The following PCDHGB3 variants were observed in gnomAD, a reference collection of about 807,000 sequenced individuals.
PCDHGB3 encodes protocadherin gamma-B3.
In PCDHGB3, 40 loss-of-function variants were observed where a neutral mutation model predicts 59.2. That is an observed-to-expected ratio of 0.68 (90% confidence interval 0.52 to 0.88). The LOEUF is 0.88. Ranked by LOEUF, PCDHGB3 falls within the 40% of genes least tolerant of loss-of-function variation. The pLI is 0.00. For missense variants in PCDHGB3, 1,309 were observed against 1,187.9 expected, an observed-to-expected ratio of 1.10 and a Z score of -1.50; for synonymous variants, 581 against 503.6, an observed-to-expected ratio of 1.15 and a Z score of -2.06.
Position 141,370,753 on chromosome 5 carries a change from C to G in PCDHGB3, c.359C>G (p.Thr120Ser). Residue 120 changes from threonine (T) to serine (S), a missense_variant, in exon 1 of 4, where the codon ACT (threonine) becomes AGT (serine). Thr to Ser is a moderately conservative substitution (Grantham distance 58). Transcript: ENST00000576222. ...AEKPLNFFHV[T>S]VLIQDINDNP... The stretch of plus-strand genomic sequence containing the variant: ...AAGCCTTTAAACTTTTTTCATGTAA[C>G]TGTGCTGATCCAGGATATTAACGAC... 1 of 1,613,950 alleles carries G rather than the reference C, an allele frequency of 6.2e-7. No homozygotes were observed. Among genetic ancestry groups the G allele is most frequent in the Non-Finnish European group, 8.5e-7 (1 of 1,179,894 alleles).
intron 1 of PCDHGB3, among the ~76,000 whole-genome samples, chr5:141,483,007 C>T (rs938404755): frequency 1.3e-5 from 2 of 152,022 alleles, no homozygotes; most frequent in Non-Finnish European, 2.9e-5. Flanking sequence ...ATTGCTTGAA[C>T]CCGGGAGGCA....
chr5:141,489,085 G>A lies in PCDHGB3; in HGVS notation c.2416-5722G>A, dbSNP rs1347512723. The A allele has an allele frequency of 2.6e-5, 6 of 230,066 alleles. No homozygotes were observed. The South Asian group carries it at 4.3e-4, about 16-fold the overall frequency. 14.3% of individuals were successfully genotyped at this position (230,066 alleles called of 1,614,324 possible). A position where few individuals can be genotyped will look rare whatever the true frequency, so the allele number is the denominator to read the frequency against. Reference sequence around the variant, plus strand: ...TCCCCCCTGCCCACCCCCGCCACTCGGTGACTAAGAACTGCTGCAAGCAGG... The same window carrying A: ...TCCCCCCTGCCCACCCCCGCCACTCAGTGACTAAGAACTGCTGCAAGCAGG... On this transcript the variant is annotated intron_variant, in intron 1 of 3. Coordinates refer to ENST00000576222, the MANE Select transcript of PCDHGB3 (RefSeq NM_018924.5). The surrounding 1 kb of genome is among the most constrained non-coding windows in gnomAD (Gnocchi z 4.5).
chr5:141,376,506 A>C (rs773992139), intron 1 of PCDHGB3: 1 of 1,614,126 alleles, frequency 6.2e-7, no homozygotes, highest in African/African-American at 1.3e-5. Flanking sequence ...AGGCAACTTC[A>C]GGTGAGTTTC....
At chr5:141,454,203 T>C (rs981646952) in intron 1 of PCDHGB3, among the ~76,000 whole-genome samples, 2 of 152,148 alleles carry the variant, frequency 1.3e-5, no homozygotes, top group African/African-American at 4.8e-5. Flanking sequence ...GGTGAATTTA[T>C]TGACATGAAT....
chr5:141,477,808 C>T lies in PCDHGB3; in HGVS notation c.2416-16999C>T, dbSNP rs750186099. 2.5e-6 allele frequency: 4 copies of T among 1,613,994 alleles called. No individual in the cohort carries two copies. In the African/African-American group the frequency reaches 4.0e-5, roughly 16 times the overall value. On this transcript the variant is annotated intron_variant, in intron 1 of 3. Coordinates refer to ENST00000576222, the MANE Select transcript of PCDHGB3 (RefSeq NM_018924.5). The surrounding 1 kb of genome is among the most constrained non-coding windows in gnomAD (Gnocchi z 4.9). ...TTGTCACTGATCGCAATGACAATGC[C>T]CCCCAGGTCCTATATCCTCGGCCAG...
rs1317699369 is a variant in PCDHGB3 at position 141,477,408 on chromosome 5, A to G, written c.2416-17399A>G. The G allele has an allele frequency of 6.2e-7, 1 of 1,614,098 alleles. No homozygotes were observed. ...TACAACCTCAGCATCACCGCCCGAG[A>G]CGCCGGAACCCCTTCCCTCTCAGCC... On this transcript the variant is annotated intron_variant, in intron 1 of 3. Transcript: ENST00000576222. This position sits in a 1 kb window ranked among gnomAD's most constrained non-coding sequence, Gnocchi z 4.9.
chr5:141,465,893 C>A (rs926928579), intron 1 of PCDHGB3, among the ~76,000 whole-genome samples: 1 of 151,962 alleles, frequency 6.6e-6, no homozygotes, highest in Non-Finnish European at 1.5e-5. Context: ...GAGGCCGAGG[C>A]GGGCAAATCA....
chr5:141,498,616 G>T (rs1202866176), intron 2 of PCDHGB3, among the ~76,000 whole-genome samples: 1 of 152,138 alleles, frequency 6.6e-6, no homozygotes, highest in East Asian at 1.9e-4. Flanking sequence ...AGTCAGCACT[G>T]GGTCACACTG....
intron 1 of PCDHGB3, chr5:141,374,427 A>C: frequency 6.2e-7 from 1 of 1,613,980 alleles, no homozygotes; most frequent in Non-Finnish European, 8.5e-7. Flanking sequence ...GATAAACTGA[A>C]TCTTTATCCC....
At chr5:141,419,117 G>A (rs1362880648) in intron 1 of PCDHGB3, 2 of 1,613,836 alleles carry the variant, frequency 1.2e-6, no homozygotes, top group Non-Finnish European at 1.7e-6. Flanking sequence ...AGAGTACAAC[G>A]TCACCATCGC....
Position 141,431,789 on chromosome 5 carries a change from G to A in PCDHGB3, c.2415+58980G>A, listed in dbSNP as rs760507500. On this transcript the variant is annotated intron_variant, in intron 1 of 3. Coordinates refer to ENST00000576222, the MANE Select transcript of PCDHGB3 (RefSeq NM_018924.5). This position sits in a 1 kb window ranked among gnomAD's most constrained non-coding sequence, Gnocchi z 4.8. ...CACTGTTCTGGACGTGAACGACAATGCCCCAGAAGTGGTCCTCACCTCTCT... is the reference window on the plus strand; with the variant it reads ...CACTGTTCTGGACGTGAACGACAATACCCCAGAAGTGGTCCTCACCTCTCT... 7.4e-6 allele frequency: 12 copies of A among 1,614,096 alleles called. No homozygotes were observed. The highest frequency in any genetic ancestry group is 5.9e-6 in the Non-Finnish European group (7 of 1,180,042).
intron 1 of PCDHGB3, among the ~76,000 whole-genome samples, chr5:141,382,389 T>A (rs1778164859): frequency 6.6e-6 from 1 of 152,228 alleles, no homozygotes; most frequent in South Asian, 2.1e-4. Flanking sequence ...AATAACTGAT[T>A]TTCCCATGTG....
In PCDHGB3 at chr5:141,432,272, G is replaced by A. The variant is rs772255343; in HGVS notation, c.2415+59463G>A. On this transcript the variant is annotated intron_variant, in intron 1 of 3. Transcript: ENST00000576222. The surrounding 1 kb of genome is among the most constrained non-coding windows in gnomAD (Gnocchi z 6.0). ...CCAAGGGGCAAGCCTATCGTCCTAC[G>A]TGTCCATCAACTCCGACACTGGGGT... 1 of 1,614,210 alleles carries A rather than the reference G, an allele frequency of 6.2e-7. No individual in the cohort carries two copies. Among genetic ancestry groups the A allele is most frequent in the South Asian group, 1.1e-5 (1 of 91,086 alleles).
chr5:141,478,148 C>T lies in PCDHGB3; in HGVS notation c.2416-16659C>T, dbSNP rs752958567. ...CTCTCCTGAAGCCCGAGCCGAGTTC[C>T]CCTCTGGCTCTGCCCCCCGGGAGCA... On this transcript the variant is annotated intron_variant, in intron 1 of 3. Coordinates refer to ENST00000576222, the MANE Select transcript of PCDHGB3 (RefSeq NM_018924.5). 3.1e-6 allele frequency: 5 copies of T among 1,613,948 alleles called. No homozygotes were observed. The highest frequency in any genetic ancestry group is 1.6e-4 in the Middle Eastern group (1 of 6,082).
chr5:141,503,417 A>T (rs1431276679), intron 2 of PCDHGB3, among the ~76,000 whole-genome samples: 2 of 151,968 alleles, frequency 1.3e-5, no homozygotes, highest in Non-Finnish European at 2.9e-5. Flanking sequence ...CAATATGGTG[A>T]AACCCCATCT....
intron 1 of PCDHGB3, chr5:141,399,003 A>C: frequency 6.2e-7 from 1 of 1,613,966 alleles, no homozygotes; most frequent in East Asian, 2.2e-5. Context: ...GTCTGAATTC[A>C]AAGAGCGGAG....
intron 1 of PCDHGB3, chr5:141,405,433 T>G (rs539486666): frequency 2.0e-6 from 3 of 1,471,752 alleles, no homozygotes; most frequent in Admixed American, 3.9e-5. Flanking sequence ...TTTTGTTTTG[T>G]TTTTGAGACA....
intron 1 of PCDHGB3, among the ~76,000 whole-genome samples, chr5:141,482,605 C>T (rs2099569133): frequency 6.7e-6 from 1 of 150,032 alleles, no homozygotes; most frequent in Admixed American, 6.6e-5. Flanking sequence ...GAAAAAACAC[C>T]TAAATGAGCC....
At chr5:141,481,070 A>G (rs2099531062) in intron 1 of PCDHGB3, among the ~76,000 whole-genome samples, 1 of 152,144 alleles carries the variant, frequency 6.6e-6, no homozygotes, top group South Asian at 2.1e-4. Context: ...AAACAAAAAG[A>G]AAGAAAGAAA....
Sources: allele counts gnomAD v4.1 joint callset (sites outside exome capture counted in the v4.1 genomes callset), GRCh38; gene constraint gnomAD v4.1.1; non-coding constraint Gnocchi (gnomAD v3.1); transcripts MANE v1.5; gene names NCBI Gene and HGNC (gene_info 2026-07-23, HGNC 2026-07-21).